The following TAFA1 variants were observed in gnomAD, a reference collection of about 807,000 sequenced individuals.
The protein encoded by TAFA1 is chemokine-like protein TAFA-1.
Under a neutral mutation model 18.5 loss-of-function variants are expected in TAFA1, and 4 were observed. The ratio of observed to expected loss-of-function variants is 0.22; its 90% confidence interval spans 0.11 to 0.49. TAFA1 has a LOEUF of 0.49. Among genes scored for constraint, TAFA1 ranks in the 20% least tolerant of loss-of-function variants. TAFA1 has a pLI of 0.98. For missense variants in TAFA1, 147 were observed against 169.0 expected (o/e 0.87, Z 0.72); for synonymous variants, 56 against 55.2 (o/e 1.01, Z -0.06).
rs148421923 is a variant in TAFA1, at chr3:68,534,936, G to T, written c.260-3820G>T. ...CCCCACTGGCGGATGTGCATTATTC[G>T]CTAGCTTCTGTGAAAAAAAGGGTGA... On this transcript the variant is annotated intron_variant, in intron 3 of 4. Transcript: ENST00000478136. Among the ~76,000 whole-genome samples, 69 of 152,074 alleles carry T rather than the reference G, an allele frequency of 4.5e-4. No homozygotes were observed. The East Asian group carries it at 5.8e-3, about 13-fold the overall frequency.
chr3:68,359,541 G>C (rs535120910), intron 2 of TAFA1, among the ~76,000 whole-genome samples: 1 of 151,956 alleles, frequency 6.6e-6, no homozygotes, highest in African/African-American at 2.4e-5. Context: ...TCAAGGAAGG[G>C]AGGCCATTCA....
chr3:68,322,222 G>T (rs1348687925), intron 2 of TAFA1, among the ~76,000 whole-genome samples: 1 of 152,096 alleles, frequency 6.6e-6, no homozygotes, highest in Non-Finnish European at 1.5e-5. Flanking sequence ...TACATATTTT[G>T]CTTCAAGCTC....
chr3:68,471,610 A>C (rs1212358820), intron 3 of TAFA1, among the ~76,000 whole-genome samples: 6 of 152,194 alleles, frequency 3.9e-5, no homozygotes, highest in Non-Finnish European at 7.3e-5. Flanking sequence ...AGACTTAGCC[A>C]GTCCAGTGTT....
the TAFA1 span, among the ~76,000 whole-genome samples, chr3:67,992,653 G>A: frequency 2.6e-5 from 4 of 151,994 alleles, no homozygotes; most frequent in African/African-American, 7.2e-5. Context: ...TAAACAAATG[G>A]GCATGTTTGT....
intron 2 of TAFA1, among the ~76,000 whole-genome samples, chr3:68,135,771 AT>A (rs1451622598): frequency 6.6e-6 from 1 of 152,122 alleles, no homozygotes; most frequent in Non-Finnish European, 1.5e-5. Context: ...GACAATAGCC[AT>A]TTTTTCATTT....
intron 2 of TAFA1, among the ~76,000 whole-genome samples, chr3:68,062,558 A>G (rs1438789615): frequency 3.3e-5 from 5 of 152,228 alleles, no homozygotes; most frequent in African/African-American, 1.2e-4. Flanking sequence ...CAAACCAATG[A>G]AAATAAAATC....
chr3:68,270,498 T>G (rs1276453136), intron 2 of TAFA1, among the ~76,000 whole-genome samples: 2 of 152,262 alleles, frequency 1.3e-5, no homozygotes, highest in East Asian at 3.9e-4. Flanking sequence ...CTCATTGATG[T>G]TTTTATGCAG....
At chr3:68,167,889 T>TTAAATAAA (rs1210541220) in intron 2 of TAFA1, among the ~76,000 whole-genome samples, 1 of 151,862 alleles carries the variant, frequency 6.6e-6, no homozygotes, top group African/African-American at 2.4e-5. Context: ...CCCCAAAATA[T>TTAAATAAA]TAAATAAATA....
chr3:68,437,126 G>A (rs559476843), intron 3 of TAFA1, among the ~76,000 whole-genome samples: 7 of 152,162 alleles, frequency 4.6e-5, no homozygotes, highest in Admixed American at 1.3e-4. Context: ...AGAAGGTCAC[G>A]CAATCCTATA....
At chr3:68,082,767 GTTGTGTC>G (rs2064921322) in intron 2 of TAFA1, among the ~76,000 whole-genome samples, 1 of 152,166 alleles carries the variant, frequency 6.6e-6, no homozygotes, top group East Asian at 1.9e-4. Context: ...TTGTATTTAT[GTTGTGTC>G]TTTCAGAGAC....
chr3:68,414,260 TCGCGCCATTG>T (rs1253425561), intron 2 of TAFA1, among the ~76,000 whole-genome samples: 2 of 151,958 alleles, frequency 1.3e-5, no homozygotes, highest in African/African-American at 4.8e-5. Context: ...TGAACTGAGA[TCGCGCCATTG>T]CACTCCAGCC....
chr3:68,387,232 A>G (rs1356429421), intron 2 of TAFA1, among the ~76,000 whole-genome samples: 1 of 152,118 alleles, frequency 6.6e-6, no homozygotes, highest in East Asian at 1.9e-4. Flanking sequence ...TTGTACTTTC[A>G]GTGATAATTA....
At chr3:68,431,464 T>G (rs986727492) in intron 3 of TAFA1, among the ~76,000 whole-genome samples, 7 of 151,968 alleles carry the variant, frequency 4.6e-5, no homozygotes, top group Non-Finnish European at 1.0e-4. Context: ...TTCATAACAA[T>G]GCATGAGATG....
In TAFA1 at chr3:68,069,475, T is replaced by A. The variant is rs117565334; in HGVS notation, c.118+62731T>A. Among the ~76,000 whole-genome samples, 2,062 of 152,254 alleles carry A rather than the reference T, an allele frequency of 0.014. 61 individuals are homozygous for A. The South Asian group carries it at 0.14, about 10-fold the overall frequency. Reference sequence around the variant, plus strand: ...TCCCTCCCACAACACATGGGACTTGTGGGAGATACAGTTCAAGAGGACATT... The same window carrying A: ...TCCCTCCCACAACACATGGGACTTGAGGGAGATACAGTTCAAGAGGACATT... On this transcript the variant is annotated intron_variant, in intron 2 of 4. Coordinates refer to ENST00000478136, the MANE Select transcript of TAFA1 (RefSeq NM_213609.4).
Position 68,241,550 on chromosome 3 carries a change from C to G in TAFA1, c.119-175730C>G, listed in dbSNP as rs545768155. On this transcript the variant is annotated intron_variant, in intron 2 of 4. Coordinates refer to ENST00000478136, the MANE Select transcript of TAFA1 (RefSeq NM_213609.4). Reference sequence around the variant, plus strand: ...AAAAACAGAACACAAATCCTGAACTCCAGCTAAGTGTGCTTTTCCTAGGCT... The same window carrying G: ...AAAAACAGAACACAAATCCTGAACTGCAGCTAAGTGTGCTTTTCCTAGGCT... Among the ~76,000 whole-genome samples the G allele has an allele frequency of 6.6e-5, 10 of 152,260 alleles. 1 individual carries two copies. The South Asian group carries it at 2.1e-3, about 32-fold the overall frequency.
At chr3:68,098,530 C>T (rs547332741) in intron 2 of TAFA1, among the ~76,000 whole-genome samples, 2 of 152,182 alleles carry the variant, frequency 1.3e-5, no homozygotes, top group Admixed American at 6.5e-5. Flanking sequence ...ATTTAGTGGC[C>T]TCTGGTGATA....
chr3:68,440,842 GTAACCCC>G (rs1183910383), intron 3 of TAFA1, among the ~76,000 whole-genome samples: 2 of 152,144 alleles, frequency 1.3e-5, no homozygotes, highest in Non-Finnish European at 2.9e-5. Flanking sequence ...AGCCAACACT[GTAACCCC>G]CTTCTTAGCC....
At chr3:68,390,599 A>C (rs1212728233) in intron 2 of TAFA1, among the ~76,000 whole-genome samples, 1 of 152,210 alleles carries the variant, frequency 6.6e-6, no homozygotes, top group Non-Finnish European at 1.5e-5. Flanking sequence ...TGCCTTATAC[A>C]GGAGAGGCAG....
chr3:68,368,771 A>G (rs2069622550), intron 2 of TAFA1, among the ~76,000 whole-genome samples: 1 of 152,136 alleles, frequency 6.6e-6, no homozygotes, highest in Non-Finnish European at 1.5e-5. Context: ...ACTTACTTTT[A>G]TCTAAACCCA....
Sources: gnomAD v4.1 joint callset for allele counts (sites outside exome capture counted in the v4.1 genomes callset) on GRCh38, gnomAD v4.1.1 for gene constraint, MANE v1.5 for transcripts, NCBI Gene and HGNC (gene_info 2026-07-23, HGNC 2026-07-21) for gene names.